The following AUH variants were observed in gnomAD, a reference collection of about 807,000 sequenced individuals.
AUH encodes the protein AU RNA binding methylglutaconyl-CoA hydratase.
Under a neutral mutation model 42.3 loss-of-function variants are expected in AUH, and 29 were observed. The observed-to-expected ratio is 0.69, with a 90% CI of 0.51 to 0.93. AUH has a LOEUF of 0.93. Among genes scored for constraint, AUH ranks in the 40% least tolerant of loss-of-function variants. AUH has a pLI of 0.00. For synonymous variants in AUH, 174 were observed against 166.4 expected, an observed-to-expected ratio of 1.05 and a Z score of -0.35; for missense variants, 452 against 438.1, an observed-to-expected ratio of 1.03 and a Z score of -0.28.
intron 3 of AUH, among the ~76,000 whole-genome samples, chr9:91,347,255 G>C (rs1396468033): frequency 1.4e-5 from 2 of 147,214 alleles, no homozygotes; most frequent in Non-Finnish European, 3.0e-5. Flanking sequence ...GGTAGAGATG[G>C]GGTTTTGCCA....
At chr9:91,335,603 T>C (rs866117115) in intron 3 of AUH, among the ~76,000 whole-genome samples, 7 of 152,244 alleles carry the variant, frequency 4.6e-5, no homozygotes, top group Non-Finnish European at 1.0e-4. Flanking sequence ...CAGTTATTTT[T>C]TCACTTAAGG....
intron 6 of AUH, among the ~76,000 whole-genome samples, chr9:91,283,478 A>T (rs996679130): frequency 6.6e-6 from 1 of 152,204 alleles, no homozygotes; most frequent in Non-Finnish European, 1.5e-5. Flanking sequence ...CAGGCAGGAG[A>T]AAGAAATAAA....
At chr9:91,228,046 A>T (rs1379081678) in intron 6 of AUH, among the ~76,000 whole-genome samples, 1 of 152,332 alleles carries the variant, frequency 6.6e-6, no homozygotes, top group Admixed American at 6.5e-5. Context: ...CGGCTTTGGT[A>T]TCAGAATGAT....
At chr9:91,294,017 C>G (rs1213619666) in intron 6 of AUH, among the ~76,000 whole-genome samples, 1 of 152,178 alleles carries the variant, frequency 6.6e-6, no homozygotes, top group African/African-American at 2.4e-5. Flanking sequence ...ACAAATAAAA[C>G]CTGGATGACA....
At chr9:91,356,241 C>T (rs78704969) in intron 1 of AUH, 86 bp from the exon 2 acceptor site, 102,608 of 1,064,304 alleles carry the variant, frequency 0.096, 5,556 homozygotes, top group African/African-American at 0.17. Flanking sequence ...TAGCTAGCTT[C>T]GAACTTAACA....
chr9:91,343,518 A>AC (rs1831257677), intron 3 of AUH, among the ~76,000 whole-genome samples: 1 of 152,162 alleles, frequency 6.6e-6, no homozygotes, highest in Non-Finnish European at 1.5e-5. Context: ...TATAATCCCA[A>AC]CACTTTGGGA....
At chr9:91,278,696 A>AAT (rs1231368304) in intron 6 of AUH, among the ~76,000 whole-genome samples, 2 of 152,208 alleles carry the variant, frequency 1.3e-5, no homozygotes, top group South Asian at 2.1e-4. Flanking sequence ...TTAATGAATC[A>AAT]TAGCCCTTCC....
intron 3 of AUH, among the ~76,000 whole-genome samples, chr9:91,335,743 C>A (rs1399466055): frequency 6.6e-6 from 1 of 152,072 alleles, no homozygotes; most frequent in Admixed American, 6.5e-5. Context: ...CATTAAGATT[C>A]ATTTGCTGAG....
intron 6 of AUH, among the ~76,000 whole-genome samples, chr9:91,243,634 T>C (rs1012631393): frequency 4.6e-5 from 7 of 152,212 alleles, no homozygotes; most frequent in Non-Finnish European, 7.3e-5. Flanking sequence ...GATGTGGAAC[T>C]GACCACAAAG....
At chr9:91,310,416 C>T (rs1328665998) in intron 4 of AUH, among the ~76,000 whole-genome samples, 1 of 152,208 alleles carries the variant, frequency 6.6e-6, no homozygotes, top group Admixed American at 6.5e-5. Context: ...TTTGCCCTCT[C>T]AATCAGGTAC....
intron 6 of AUH, among the ~76,000 whole-genome samples, chr9:91,259,930 A>T (rs920228744): frequency 1.3e-5 from 2 of 152,114 alleles, no homozygotes; most frequent in African/African-American, 4.8e-5. Context: ...TTGTTTCCTA[A>T]TACACCTAAA....
At chr9:91,242,012 G>A (rs1312915924) in intron 6 of AUH, among the ~76,000 whole-genome samples, 1 of 152,184 alleles carries the variant, frequency 6.6e-6, no homozygotes, top group East Asian at 1.9e-4. Flanking sequence ...ATTCTAAGGG[G>A]TCAGGAATCC....
chr9:91,228,469 G>A lies in AUH; in HGVS notation c.656-7477C>T, dbSNP rs1190818098. Among the ~76,000 whole-genome samples, 20 of 146,704 alleles carry A rather than the reference G, an allele frequency of 1.4e-4. 1 individual carries two copies. The highest frequency in any genetic ancestry group is 4.5e-4 in the South Asian group (2 of 4,432). On this transcript the variant is annotated intron_variant, in intron 6 of 9. Transcript: ENST00000375731. ...TTTTTTCTTTATTAGTCTTGCTAGC[G>A]GTCTATCAATTTTGTTGATCCTTTC...
intron 6 of AUH, among the ~76,000 whole-genome samples, chr9:91,265,873 A>AG (rs1362589577): frequency 6.6e-5 from 10 of 152,146 alleles, no homozygotes; most frequent in Non-Finnish European, 1.3e-4. Flanking sequence ...CTCTTCCTAA[A>AG]GAGTTATATA....
chr9:91,355,814 G>A, intron 3 of AUH, 69 bp downstream of exon 3: 1 of 1,397,004 alleles, frequency 7.2e-7, no homozygotes, highest in South Asian at 1.2e-5. Flanking sequence ...ACATTCTAAT[G>A]GAAAACAGAT....
At chr9:91,335,267 AGTT>A (rs1830614057) in intron 3 of AUH, among the ~76,000 whole-genome samples, 1 of 152,106 alleles carries the variant, frequency 6.6e-6, no homozygotes, top group African/African-American at 2.4e-5. Context: ...TGGTATTACT[AGTT>A]TTCTATTTCT....
chr9:91,356,112 T>C lies in AUH; in HGVS notation c.306A>G (p.Ser102=). Residue 102 remains serine, a synonymous_variant, in exon 2 of 10, where the codon TCA becomes TCG. Coordinates refer to ENST00000375731, the MANE Select transcript of AUH (RefSeq NM_001698.3). ...LGINRAYGKN[S]LSKNLIKMLS... ...CCATTTTTATAAGATTTTTACTGAG[T>C]GAATTTTTGCCATAAGCTCTGTTTA... 1 of 1,613,748 alleles carries C rather than the reference T, an allele frequency of 6.2e-7. No homozygotes were observed. Among genetic ancestry groups the C allele is most frequent in the Non-Finnish European group, 8.5e-7 (1 of 1,179,806 alleles).
chr9:91,311,940 G>C lies in AUH; in HGVS notation c.505+13378C>G, dbSNP rs115715079. 9.5e-3 allele frequency among the ~76,000 whole-genome samples: 1,443 copies of C among 151,666 alleles called. 25 individuals are homozygous for C. Among genetic ancestry groups the C allele is most frequent in the African/African-American group, 0.033 (1,373 of 41,360 alleles). On this transcript the variant is annotated intron_variant, in intron 4 of 9. Coordinates refer to ENST00000375731, the MANE Select transcript of AUH (RefSeq NM_001698.3). ...AAGAGGGAAGGGGACTTGTAACAAT[G>C]ATTAACATTTTAGAAATCTAAAAAT...
At position 91,356,667 on chromosome 9, in the gene AUH, A is replaced by C. The variant is rs151250141; in HGVS notation, c.263-512T>G. Among the ~76,000 whole-genome samples, 226 of 152,264 alleles carry C rather than the reference A, an allele frequency of 1.5e-3. 1 individual carries two copies. Among genetic ancestry groups the C allele is most frequent in the Non-Finnish European group, 2.1e-3 (140 of 68,014 alleles). On this transcript the variant is annotated intron_variant, in intron 1 of 9. Coordinates refer to ENST00000375731, the MANE Select transcript of AUH (RefSeq NM_001698.3). ...CAACCTATACAAAACAAAGTTCATT[A>C]TCTCTCCCACAAACCCAGCTGTCAC...
Sources: gnomAD v4.1 joint callset for allele counts (sites outside exome capture counted in the v4.1 genomes callset) on GRCh38, gnomAD v4.1.1 for gene constraint, MANE v1.5 for transcripts, NCBI Gene and HGNC (gene_info 2026-07-23, HGNC 2026-07-21) for gene names.